The following CHD8 variants were observed in gnomAD, a reference collection of about 807,000 sequenced individuals.
The protein encoded by CHD8 is chromodomain helicase DNA binding protein 8.
In CHD8, 31 loss-of-function variants were observed where a neutral mutation model predicts 279.2. The observed-to-expected ratio is 0.11, with a 90% CI of 0.08 to 0.15. The LOEUF (loss-of-function observed/expected upper bound fraction) is 0.15, where lower values mean the gene tolerates loss of function less well. Ranked by LOEUF, CHD8 falls within the 10% of genes least tolerant of loss-of-function variation. CHD8 has a pLI of 1.00. For missense variants in CHD8, 2,146 were observed against 3,230.5 expected, an observed-to-expected ratio of 0.66 and a Z score of 8.14; for synonymous variants, 1,081 against 1,139.6, an observed-to-expected ratio of 0.95 and a Z score of 1.04.
chr14:21,393,526 C>G lies in CHD8; in HGVS notation c.6269G>C (p.Ser2090Thr), dbSNP rs976254746. The stretch of plus-strand genomic sequence containing the variant: ...ACTCTCATCAGTGCTGGAGCTGGAG[C>G]TGGATGAGGATGAGGAAGAAGAAGA... ...PSSSSSSSSS[S>T]SSSSTDESED... The change falls in exon 32 of 38, where the codon AGC becomes ACC. Residue 2090 changes from serine (S) to threonine (T), a missense_variant. By Grantham distance (58) the Ser-to-Thr change is moderately conservative. This residue lies in a region of CHD8 where 513 missense variants were observed against 637.6 expected (regional missense o/e 0.80). Transcript: ENST00000646647. 9 of 1,597,560 alleles carry G rather than the reference C, an allele frequency of 5.6e-6. No homozygotes were observed. The highest frequency in any genetic ancestry group is 7.7e-6 in the Non-Finnish European group (9 of 1,171,862).
At chr14:21,421,394 A>G (rs1889038953) in intron 5 of CHD8, among the ~76,000 whole-genome samples, 3 of 151,606 alleles carry the variant, frequency 2.0e-5, no homozygotes, top group South Asian at 4.2e-4. Context: ...TTCTACTGCC[A>G]TCTAGTATTC....
chr14:21,429,455 A>T, intron 2 of CHD8, 120 bp from the exon 3 acceptor site: 1 of 1,018,686 alleles, frequency 9.8e-7, no homozygotes, highest in Non-Finnish European at 1.5e-6. Context: ...GACACAGTAC[A>T]ACTCACTTTG....
chr14:21,388,841 G>GTCC (rs1887398262), intron 37 of CHD8, among the ~76,000 whole-genome samples: 1 of 152,106 alleles, frequency 6.6e-6, no homozygotes, highest in Non-Finnish European at 1.5e-5. Flanking sequence ...ATCTGCAGGG[G>GTCC]TCCTGGAACC....
In CHD8 at chr14:21,385,733, C is replaced by A; in HGVS notation, c.7626G>T (p.Glu2542Asp). 1 of 1,551,596 alleles carries A rather than the reference C, an allele frequency of 6.4e-7. No homozygotes were observed. The change falls in exon 38 of 38, where the codon GAG (glutamate) becomes GAT (aspartate). Residue 2542 changes from glutamate to aspartate, a missense_variant. Glu to Asp is a conservative substitution (Grantham distance 45). Transcript: ENST00000646647. ...ATAAGTCATCATCATCTTCTTCATC[C>A]TCATCGTCATCCTCCTCAGGTTGCA... ...PPLQPEEDDD[E>D]DEEDDDDLSQ...
chr14:21,428,313 A>G (rs1889414947), intron 3 of CHD8, 59 bp from the exon 4 acceptor site: 6 of 1,525,792 alleles, frequency 3.9e-6, no homozygotes, highest in Non-Finnish European at 4.5e-6. Flanking sequence ...CCTAAATAAA[A>G]TCCAGCTCTG....
At chr14:21,391,678 T>A in intron 35 of CHD8, 36 bp from the exon 36 acceptor site, 1 of 1,461,744 alleles carries the variant, frequency 6.8e-7, no homozygotes, top group South Asian at 1.2e-5. Context: ...GAGCACATAC[T>A]CTTCTTTGGG....
In CHD8 at chr14:21,438,343, G is replaced by A. The variant is rs140500813; in HGVS notation, c.-215-6485C>T. 2.2e-3 allele frequency among the ~76,000 whole-genome samples: 340 copies of A among 152,058 alleles called. 4 individuals are homozygous for A. The highest frequency in any genetic ancestry group is 0.018 in the East Asian group (92 of 5,094). On this transcript the variant is annotated intron_variant, in intron 1 of 37. Coordinates refer to ENST00000646647, the MANE Select transcript of CHD8 (RefSeq NM_001170629.2). ...CCCAAAGTGCTGGGATTACAGGCGT[G>A]AGCCATCACGCCCAGCCAGGACACT...
chr14:21,390,888 A>G, intron 37 of CHD8, 59 bp downstream of exon 37: 1 of 822,072 alleles, frequency 1.2e-6, no homozygotes, highest in Non-Finnish European at 2.0e-6. Flanking sequence ...CATCATTGAA[A>G]GACTTGTAAT....
chr14:21,411,426 C>T (rs532291541), intron 10 of CHD8, among the ~76,000 whole-genome samples: 2 of 152,172 alleles, frequency 1.3e-5, no homozygotes, highest in East Asian at 1.9e-4. Context: ...GAATAAACTT[C>T]GGAATTTTAT....
chr14:21,405,636 A>T lies in CHD8; in HGVS notation c.3051+85T>A. 2 of 1,518,772 alleles carry T rather than the reference A, an allele frequency of 1.3e-6. No homozygotes were observed. The highest frequency in any genetic ancestry group is 1.8e-6 in the Non-Finnish European group (2 of 1,114,918). The allele number at this position is 1,518,772 out of a possible 1,614,324, so 94.1% of individuals were successfully genotyped here. A position where few individuals can be genotyped will look rare whatever the true frequency, so the allele number is the denominator to read the frequency against. ...TATAAGGAGTTCAGAAAGGCCCTTG[A>T]GATACCCATGACAACAGATGTCTGC... On this transcript the variant is annotated intron_variant, in intron 15 of 37. Transcript: ENST00000646647. The surrounding 1 kb of genome is among the most constrained non-coding windows in gnomAD (Gnocchi z 4.2).
intron 1 of CHD8, among the ~76,000 whole-genome samples, chr14:21,451,415 C>CA (rs1207930735): frequency 6.6e-6 from 1 of 151,136 alleles, no homozygotes; most frequent in Non-Finnish European, 1.5e-5. Context: ...ACTAAAAATA[C>CA]AAAAAATTAG....
intron 5 of CHD8, among the ~76,000 whole-genome samples, chr14:21,421,617 CAA>C (rs1566438807): frequency 6.6e-6 from 1 of 151,988 alleles, no homozygotes; most frequent in Non-Finnish European, 1.5e-5. Context: ...ACCGACTTGC[CAA>C]AAAGATTGTC....
chr14:21,426,433 C>T, intron 4 of CHD8, 191 bp from the exon 5 acceptor site: 1 of 562,670 alleles, frequency 1.8e-6, no homozygotes, highest in Non-Finnish European at 3.1e-6. Context: ...AAACCACTGA[C>T]TGACCCTTAT....
At chr14:21,451,571 C>CA (rs969355375) in intron 1 of CHD8, among the ~76,000 whole-genome samples, 2,666 of 31,536 alleles carry the variant, frequency 0.085, 495 homozygotes, top group African/African-American at 0.1. Context: ...GACTCTGTCT[C>CA]AAAAAAAAAA....
intron 5 of CHD8, chr14:21,425,777 A>C: frequency 5.3e-6 from 1 of 189,430 alleles, no homozygotes; most frequent in Non-Finnish European, 1.1e-5. Flanking sequence ...TTACTAAAAT[A>C]ATACAAAAAT....
At chr14:21,441,236 CCTT>C (rs1889952921) in intron 1 of CHD8, among the ~76,000 whole-genome samples, 1 of 152,168 alleles carries the variant, frequency 6.6e-6, no homozygotes, top group South Asian at 2.1e-4. Context: ...GTGACCTTGA[CCTT>C]CTCTTTGGTC....
chr14:21,410,508 A>G (rs1888443668), intron 10 of CHD8, among the ~76,000 whole-genome samples: 1 of 152,200 alleles, frequency 6.6e-6, no homozygotes, highest in African/African-American at 2.4e-5. Flanking sequence ...AGGAGCTAAC[A>G]AGAGGTTATC....
intron 1 of CHD8, among the ~76,000 whole-genome samples, chr14:21,442,981 G>A (rs191534189): frequency 6.6e-6 from 1 of 152,208 alleles, no homozygotes; most frequent in East Asian, 1.9e-4. Flanking sequence ...ATTAAGTCCT[G>A]TCAAATACAA....
In CHD8 at chr14:21,401,415, C is replaced by T; in HGVS notation, c.4161G>A (p.Leu1387=). The T allele has an allele frequency of 1.3e-6, 2 of 1,589,034 alleles. No homozygotes were observed. Among genetic ancestry groups the T allele is most frequent in the Non-Finnish European group, 1.7e-6 (2 of 1,167,232 alleles). ...WAKKADLDMD[L]LNSKNNLVID... ...AGAAGAAACTCACCTTGCTGTTGAG[C>T]AGATCCATGTCTAGGTCAGCCTTTT... Residue 1387 remains leucine, a synonymous_variant, in exon 21 of 38, where the codon CTG becomes CTA. Transcript: ENST00000646647.
Sources: allele counts gnomAD v4.1 joint callset (sites outside exome capture counted in the v4.1 genomes callset), GRCh38; gene constraint gnomAD v4.1.1; regional missense constraint gnomAD v4.1.1; non-coding constraint Gnocchi (gnomAD v3.1); transcripts MANE v1.5; gene names NCBI Gene and HGNC (gene_info 2026-07-23, HGNC 2026-07-21).